Variants in TEX14 observed in about 807,000 individuals in gnomAD.
TEX14 encodes testis expressed 14, intercellular bridge forming factor.
In TEX14, 168 loss-of-function variants were observed where a neutral mutation model predicts 178.6. The observed-to-expected ratio is 0.94, with a 90% CI of 0.83 to 1.07. The LOEUF is 1.07. TEX14 is among the 50% of genes least tolerant of loss of function. The pLI, the probability that TEX14 is intolerant of heterozygous loss-of-function variation, is 0.00. For synonymous variants in TEX14, 626 were observed against 634.1 expected, an observed-to-expected ratio of 0.99 and a Z score of 0.19; for missense variants, 1,730 against 1,753.6, an observed-to-expected ratio of 0.99 and a Z score of 0.24.
At chr17:58,604,748 A>C (rs2045564079) in intron 11 of TEX14, among the ~76,000 whole-genome samples, 1 of 151,890 alleles carries the variant, frequency 6.6e-6, no homozygotes, top group Admixed American at 6.6e-5. Flanking sequence ...TTTAGTAGAG[A>C]CAGGGTTTCA....
At chr17:58,624,501 C>A (rs897113230) in intron 3 of TEX14, among the ~76,000 whole-genome samples, 10 of 151,512 alleles carry the variant, frequency 6.6e-5, no homozygotes, top group African/African-American at 9.7e-5. Context: ...CCACCCATGC[C>A]CAGTTAATTT....
chr17:58,672,266 CA>C (rs2047316518), intron 1 of TEX14, among the ~76,000 whole-genome samples: 1 of 152,138 alleles, frequency 6.6e-6, no homozygotes, highest in South Asian at 2.1e-4. Flanking sequence ...ATGCTCCTTC[CA>C]GGGGGTTGGA....
chr17:58,646,455 C>A (rs1224575215), intron 2 of TEX14, among the ~76,000 whole-genome samples: 1 of 152,150 alleles, frequency 6.6e-6, no homozygotes, highest in Admixed American at 6.6e-5. Context: ...TTTTCTAGCT[C>A]CTCTCCATCC....
At chr17:58,690,076 C>T (rs1238169527) in intron 1 of TEX14, among the ~76,000 whole-genome samples, 2 of 151,858 alleles carry the variant, frequency 1.3e-5, no homozygotes, top group Non-Finnish European at 2.9e-5. Flanking sequence ...GTCTCGATCT[C>T]CTGACCTTGT....
At chr17:58,634,632 A>G (rs2046393357) in intron 2 of TEX14, among the ~76,000 whole-genome samples, 1 of 152,218 alleles carries the variant, frequency 6.6e-6, no homozygotes, top group South Asian at 2.1e-4. Context: ...GCCCAACACA[A>G]GCCAGCCTAA....
chr17:58,653,692 T>G (rs1460105028), intron 1 of TEX14, among the ~76,000 whole-genome samples: 2 of 152,188 alleles, frequency 1.3e-5, no homozygotes, highest in African/African-American at 2.4e-5. Context: ...TGCAACCCAG[T>G]GTCTCACTAT....
Position 58,647,995 on chromosome 17 carries a change from G to C in TEX14, c.136+3871C>G, listed in dbSNP as rs932473113. On this transcript the variant is annotated intron_variant, in intron 2 of 31. Transcript: ENST00000349033. ...TTACACGCGTGAGCCACCGTACCCA[G>C]GCCGATTCCAATTTCTTCCCTCCTC... The C allele has an allele frequency of 2.0e-5, 3 of 152,414 alleles. No homozygotes were observed. In the East Asian group the frequency reaches 5.8e-4, roughly 29 times the overall value. The allele number at this position is 152,414 out of a possible 1,614,324, so 9.4% of individuals were successfully genotyped here. A position where few individuals can be genotyped will look rare whatever the true frequency, so the allele number is the denominator to read the frequency against.
intron 19 of TEX14, chr17:58,581,743 TAGGAA>T (rs1320382150): frequency 6.2e-7 from 1 of 1,605,992 alleles, no homozygotes; most frequent in African/African-American, 1.3e-5. Context: ...ATTAATAATG[TAGGAA>T]ATCACTTTTA....
chr17:58,588,200 C>T (rs998974799), intron 15 of TEX14, among the ~76,000 whole-genome samples, 179 bp from the exon 16 acceptor site: 1 of 152,216 alleles, frequency 6.6e-6, no homozygotes, highest in Non-Finnish European at 1.5e-5. Context: ...CCTGCAAATG[C>T]CACAAATCAC....
At chr17:58,561,185 C>T (rs2044265952) in intron 29 of TEX14, among the ~76,000 whole-genome samples, 1 of 152,224 alleles carries the variant, frequency 6.6e-6, no homozygotes, top group Non-Finnish European at 1.5e-5. Flanking sequence ...ATCACATCAG[C>T]ATTCATTCCT....
intron 22 of TEX14, 84 bp downstream of exon 22, chr17:58,574,103 G>T: frequency 8.9e-7 from 1 of 1,123,030 alleles, no homozygotes. Flanking sequence ...AAAATGGAAA[G>T]ATCCTTACAA....
At chr17:58,576,899 T>G (rs2044691609) in intron 21 of TEX14, among the ~76,000 whole-genome samples, 1 of 152,236 alleles carries the variant, frequency 6.6e-6, no homozygotes, top group South Asian at 2.1e-4. Flanking sequence ...ATGGTATGGA[T>G]GTACCAAAGT....
intron 10 of TEX14, among the ~76,000 whole-genome samples, chr17:58,606,275 A>ATGGC (rs2098857720): frequency 1.3e-5 from 2 of 152,214 alleles, no homozygotes; most frequent in Non-Finnish European, 2.9e-5. Context: ...TGGATGTAGA[A>ATGGC]ACACTCGGTG....
intron 1 of TEX14, chr17:58,666,753 G>A (rs1277779868): frequency 1.3e-5 from 2 of 152,136 alleles, no homozygotes; most frequent in Non-Finnish European, 1.5e-5. Context: ...TTGCAAGTGC[G>A]GGTAACTCCT....
intron 3 of TEX14, among the ~76,000 whole-genome samples, chr17:58,624,393 T>C (rs1469037004): frequency 1.4e-5 from 2 of 147,594 alleles, no homozygotes; most frequent in Non-Finnish European, 3.0e-5. Context: ...CAGGCTAGAG[T>C]GCAATGGTGT....
At position 58,675,846 on chromosome 17, in the gene TEX14, C is replaced by T. The variant is rs558444531; in HGVS notation, c.-2+16093G>A. ...CAGGTTCTTGTTCTGTCGCCTGGGC[C>T]TCCAAAGGTACGGTGATTACAAGCA... On this transcript the variant is annotated intron_variant, in intron 1 of 31. Coordinates refer to ENST00000349033, the MANE Select transcript of TEX14 (RefSeq NM_031272.5). Among the ~76,000 whole-genome samples the T allele has an allele frequency of 3.3e-5, 5 of 152,304 alleles. No homozygotes were observed. In the South Asian group the frequency reaches 1.0e-3, roughly 32 times the overall value.
chr17:58,660,988 A>G (rs763285770), intron 1 of TEX14: 2 of 1,172,162 alleles, frequency 1.7e-6, no homozygotes, highest in East Asian at 2.3e-5. Context: ...CTAAGCTGAT[A>G]TCAATCCACC....
rs146305807 is a variant in TEX14 at position 58,679,111 on chromosome 17, G to A, written c.-2+12828C>T. Among the ~76,000 whole-genome samples the A allele has an allele frequency of 4.3e-3, 658 of 152,054 alleles. 1 individual carries two copies. The highest frequency in any genetic ancestry group is 0.015 in the African/African-American group (631 of 41,480). ...TGAGGTTGCTGTGAGCTGAGATTGC[G>A]CCATTGTACTCCAGCCTGGGCTACA... On this transcript the variant is annotated intron_variant, in intron 1 of 31. Transcript: ENST00000349033.
At chr17:58,687,869 A>G (rs955034597) in intron 1 of TEX14, among the ~76,000 whole-genome samples, 3 of 152,186 alleles carry the variant, frequency 2.0e-5, no homozygotes, top group South Asian at 2.1e-4. Context: ...GAAATGCAAC[A>G]TGTCAGAAAT....
Sources: allele counts gnomAD v4.1 joint callset (sites outside exome capture counted in the v4.1 genomes callset), GRCh38; gene constraint gnomAD v4.1.1; transcripts MANE v1.5; gene names NCBI Gene and HGNC (gene_info 2026-07-23, HGNC 2026-07-21).